The following PTPRG variants were observed in gnomAD, a reference collection of about 807,000 sequenced individuals.
The protein encoded by PTPRG is receptor-type tyrosine-protein phosphatase gamma.
A neutral mutation model predicts 165.3 loss-of-function variants in PTPRG; 102 were observed. That is an observed-to-expected ratio of 0.62 (90% CI 0.53 to 0.73). PTPRG has a LOEUF of 0.73. Among genes scored for constraint, PTPRG ranks in the 30% least tolerant of loss-of-function variants. The probability of loss-of-function intolerance (pLI) is 0.00; values close to 1 mark genes in which losing one functional copy is unlikely to be tolerated. For missense variants in PTPRG, 1,866 were observed against 1,861.4 expected, an observed-to-expected ratio of 1.00 and a Z score of -0.05; for synonymous variants, 675 against 669.5, an observed-to-expected ratio of 1.01 and a Z score of -0.13.
At chr3:61,748,713 G>A (rs1207636724) in intron 1 of PTPRG, among the ~76,000 whole-genome samples, 165 bp from the exon 2 acceptor site, 1 of 137,926 alleles carries the variant, frequency 7.3e-6, no homozygotes, top group African/African-American at 2.7e-5. Context: ...TAATTTGTCT[G>A]GACTTTCCTA....
chr3:62,274,494 C>G (rs1576208872), intron 23 of PTPRG, among the ~76,000 whole-genome samples: 1 of 152,188 alleles, frequency 6.6e-6, no homozygotes. Context: ...TCGCCTGTCT[C>G]TCCAGTTACC....
At chr3:62,141,077 T>C (rs777795353) in intron 6 of PTPRG, among the ~76,000 whole-genome samples, 30 of 152,148 alleles carry the variant, frequency 2.0e-4, no homozygotes, top group Non-Finnish European at 3.7e-4. Flanking sequence ...TTCCCAAATA[T>C]ATTGCTTCCA....
chr3:61,990,682 C>G (rs539998158), intron 3 of PTPRG, among the ~76,000 whole-genome samples: 6 of 152,184 alleles, frequency 3.9e-5, no homozygotes, highest in Non-Finnish European at 5.9e-5. Flanking sequence ...ATATTTTTCA[C>G]TCTTATTACT....
At chr3:61,974,567 T>A (rs1475297659) in intron 2 of PTPRG, among the ~76,000 whole-genome samples, 1 of 152,066 alleles carries the variant, frequency 6.6e-6, no homozygotes, top group Non-Finnish European at 1.5e-5. Context: ...AAAAAATTTT[T>A]TTTTAAATAT....
chr3:61,812,228 CGATGATTTTTA>C (rs2035603826), intron 2 of PTPRG, among the ~76,000 whole-genome samples: 2 of 151,140 alleles, frequency 1.3e-5, no homozygotes, highest in African/African-American at 4.9e-5. Flanking sequence ...TGTGTGAAAA[CGATGATTTTTA>C]GATTTACTGT....
chr3:61,921,031 G>A (rs924337228), intron 2 of PTPRG, among the ~76,000 whole-genome samples: 2 of 151,958 alleles, frequency 1.3e-5, no homozygotes, highest in African/African-American at 4.8e-5. Context: ...TCAGCAAACC[G>A]TGAGGGTCTT....
At chr3:62,265,797 A>G (rs115174365) in intron 17 of PTPRG, among the ~76,000 whole-genome samples, 3,075 of 151,576 alleles carry the variant, frequency 0.02, 65 homozygotes, top group Middle Eastern at 0.041. Context: ...TAACCAGAGA[A>G]ATCAGGCAAG....
intron 2 of PTPRG, among the ~76,000 whole-genome samples, chr3:61,954,379 T>A (rs2039986892): frequency 6.6e-6 from 1 of 152,108 alleles, no homozygotes; most frequent in African/African-American, 2.4e-5. Context: ...ATGAGTGTAA[T>A]GTTGAGAGAG....
At chr3:62,058,249 T>G (rs1222528270) in intron 4 of PTPRG, among the ~76,000 whole-genome samples, 1 of 152,202 alleles carries the variant, frequency 6.6e-6, no homozygotes, top group East Asian at 1.9e-4. Context: ...AACCTCACCT[T>G]AATAATCTTA....
At chr3:61,650,757 C>G (rs1166129441) in intron 1 of PTPRG, among the ~76,000 whole-genome samples, 1 of 152,166 alleles carries the variant, frequency 6.6e-6, no homozygotes, top group African/African-American at 2.4e-5. Context: ...CAAATGTAAG[C>G]ATTTTCAAAC....
rs60410700 is a variant in PTPRG at position 61,616,480 on chromosome 3, C to T, written c.85+54108C>T. On this transcript the variant is annotated intron_variant, in intron 1 of 29. Transcript: ENST00000474889. ...TCTGTGACAAGGTGAAACTGGGCTC[C>T]GACTGTTTTGAATATGTTTATTTAC... is the stretch of plus-strand genomic sequence containing the variant. Among the ~76,000 whole-genome samples the T allele has an allele frequency of 4.0e-3, 613 of 152,248 alleles. 4 individuals carry two copies. Among genetic ancestry groups the T allele is most frequent in the African/African-American group, 0.014 (565 of 41,554 alleles).
intron 1 of PTPRG, among the ~76,000 whole-genome samples, chr3:61,570,333 T>A (rs1034216681): frequency 3.3e-5 from 5 of 152,068 alleles, no homozygotes; most frequent in Admixed American, 2.6e-4. Context: ...TTTAAACTAC[T>A]CAGTTTAGCT....
intron 1 of PTPRG, among the ~76,000 whole-genome samples, chr3:61,609,629 G>A (rs578168727): frequency 6.6e-6 from 1 of 152,216 alleles, no homozygotes; most frequent in African/African-American, 2.4e-5. Flanking sequence ...GGCCGAGTTG[G>A]GTGGATTGCT....
At chr3:61,851,264 A>AG (rs1367432869) in intron 2 of PTPRG, among the ~76,000 whole-genome samples, 2 of 152,228 alleles carry the variant, frequency 1.3e-5, no homozygotes, top group Non-Finnish European at 2.9e-5. Context: ...GATTAGATTC[A>AG]GGGAAGAATC....
chr3:61,788,830 T>G (rs1187410916), intron 2 of PTPRG, among the ~76,000 whole-genome samples: 1 of 152,210 alleles, frequency 6.6e-6, no homozygotes, highest in East Asian at 1.9e-4. Context: ...AATAAAACTT[T>G]ATTTAGAAAT....
chr3:61,595,891 A>G (rs950816876), intron 1 of PTPRG, among the ~76,000 whole-genome samples: 2 of 152,232 alleles, frequency 1.3e-5, no homozygotes, highest in African/African-American at 2.4e-5. Context: ...TATAGCCTGA[A>G]GTGTTAGTAC....
chr3:62,231,195 C>T, intron 13 of PTPRG, 30 bp from the exon 14 acceptor site: 1 of 1,500,074 alleles, frequency 6.7e-7, no homozygotes, highest in Non-Finnish European at 9.0e-7. Context: ...GTATTCTACA[C>T]CTGTTCTCTT....
intron 5 of PTPRG, among the ~76,000 whole-genome samples, chr3:62,105,949 T>A (rs192779339): frequency 4.6e-5 from 7 of 152,352 alleles, no homozygotes. Context: ...TTTAAGGATG[T>A]CTGGTAGGAT....
At chr3:62,134,630 C>A (rs1264314627) in intron 6 of PTPRG, among the ~76,000 whole-genome samples, 1 of 152,214 alleles carries the variant, frequency 6.6e-6, no homozygotes, top group African/African-American at 2.4e-5. Context: ...CTCTGTTACA[C>A]CATCCCAGGT....
Sources: allele counts gnomAD v4.1 joint callset (sites outside exome capture counted in the v4.1 genomes callset), GRCh38; gene constraint gnomAD v4.1.1; transcripts MANE v1.5; gene names NCBI Gene and HGNC (gene_info 2026-07-23, HGNC 2026-07-21).